Variants in EXTL3 observed in about 807,000 individuals in gnomAD.
The protein encoded by EXTL3 is exostosin like glycosyltransferase 3, also known as exostosin-like 3.
A neutral mutation model predicts 69.3 loss-of-function variants in EXTL3; 27 were observed. The ratio of observed to expected loss-of-function variants is 0.39; its 90% CI spans 0.29 to 0.54. The LOEUF is 0.54. Among genes scored for constraint, EXTL3 ranks in the 20% least tolerant of loss-of-function variants. The probability of loss-of-function intolerance (pLI) is 0.69; values close to 1 mark genes in which losing one functional copy is unlikely to be tolerated. For missense variants in EXTL3, 1,003 were observed against 1,231.8 expected, an observed-to-expected ratio of 0.81 and a Z score of 2.78; for synonymous variants, 511 against 499.4, an observed-to-expected ratio of 1.02 and a Z score of -0.31.
At position 28,752,839 on chromosome 8, in the gene EXTL3, A is replaced by G. The variant is rs1802037939; in HGVS notation, c.*1973A>G. 1 of 152,322 alleles carries G rather than the reference A, an allele frequency of 6.6e-6. No homozygotes were observed. The highest frequency in any genetic ancestry group is 2.4e-5 in the African/African-American group (1 of 41,248). 9.4% of individuals were successfully genotyped at this position (152,322 alleles called of 1,614,324 possible). On this transcript the variant is annotated 3_prime_UTR_variant, in exon 7 of 7. Transcript: ENST00000220562. ...TGTGTGGCGCTATATTGTGGCTGCT[A>G]TTTCATCTGGTTTCTTTTAATGTGA...
Position 28,668,865 on chromosome 8 carries a change from C to CTTTT in EXTL3, c.-52-44579_-52-44576dup, listed in dbSNP as rs999113088. On this transcript the variant is annotated intron_variant, in intron 1 of 6. Transcript: ENST00000523149. ...ACCCCTGCCTCCTTTGATAGAATCTCTTTTTTTTTTTTTTTTGAGACAGAG... is the reference window on the plus strand; with the variant it reads ...ACCCCTGCCTCCTTTGATAGAATCTCTTTTTTTTTTTTTTTTTTTTGAGACAGAG... Among the ~76,000 whole-genome samples the CTTTT allele has an allele frequency of 9.5e-5, 9 of 94,476 alleles. 1 individual carries two copies. The highest frequency in any genetic ancestry group is 1.5e-4 in the Non-Finnish European group (8 of 51,950). 62.0% of individuals were successfully genotyped at this position (94,476 alleles called of 152,430 possible).
chr8:28,714,815 A>G (rs1300545631), intron 2 of EXTL3, among the ~76,000 whole-genome samples: 2 of 152,230 alleles, frequency 1.3e-5, no homozygotes. Context: ...TTTGTATCAC[A>G]GCAACGTGGT....
At position 28,634,323 on chromosome 8, in the gene EXTL3, C is replaced by T. The variant is rs1323079675; in HGVS notation, c.-53+11513C>T. 3.9e-5 allele frequency among the ~76,000 whole-genome samples: 6 copies of T among 152,228 alleles called. No homozygotes were observed. In the East Asian group the frequency reaches 9.6e-4, roughly 24 times the overall value. Reference sequence around the variant, plus strand: ...TAAGCCATGCTGTGTCTGCCTGGCCCCTGTCACTTCCTTGTCAGGACTCCC... The same window carrying T: ...TAAGCCATGCTGTGTCTGCCTGGCCTCTGTCACTTCCTTGTCAGGACTCCC... On this transcript the variant is annotated intron_variant, in intron 1 of 6. Transcript: ENST00000523149.
intron 1 of EXTL3, among the ~76,000 whole-genome samples, chr8:28,653,274 C>T (rs972675): frequency 4.6e-4 from 70 of 152,208 alleles, no homozygotes; most frequent in African/African-American, 1.6e-3. Flanking sequence ...ACATCAAACC[C>T]TTATAGGATA....
chr8:28,706,766 T>C (rs1800931731), intron 1 of EXTL3, among the ~76,000 whole-genome samples: 1 of 152,224 alleles, frequency 6.6e-6, no homozygotes. Context: ...TTATGTCCGT[T>C]GACCACTGTT....
At position 28,737,411 on chromosome 8, in the gene EXTL3, TA is replaced by T. The variant is rs912511281; in HGVS notation, c.2277-104del. 17 of 1,216,066 alleles carry T rather than the reference TA, an allele frequency of 1.4e-5. No individual in the cohort carries two copies. In the Admixed American group the frequency reaches 3.0e-4, roughly 21 times the overall value. The allele number at this position is 1,216,066 out of a possible 1,614,324, so 75.3% of individuals were successfully genotyped here. A position where few individuals can be genotyped will look rare whatever the true frequency, so the allele number is the denominator to read the frequency against. On this transcript the variant is annotated intron_variant, in intron 4 of 6. Transcript: ENST00000220562. ...TTTTATTTTGAAAGGATACGAGAAG[TA>T]AAAGCCTAAGGGCCAGAGCTTGTAA...
At chr8:28,655,723 G>T (rs1246196525) in intron 1 of EXTL3, among the ~76,000 whole-genome samples, 1 of 151,978 alleles carries the variant, frequency 6.6e-6, no homozygotes, top group East Asian at 1.9e-4. Context: ...TGAACTCTTG[G>T]GCTCAAGCGA....
At chr8:28,722,377 G>A (rs538658659) in intron 3 of EXTL3, among the ~76,000 whole-genome samples, 5 of 152,314 alleles carry the variant, frequency 3.3e-5, no homozygotes, top group African/African-American at 9.6e-5. Flanking sequence ...GGCGAGGAGC[G>A]GTGGTAGAGA....
At chr8:28,655,257 G>A (rs958730632) in intron 1 of EXTL3, among the ~76,000 whole-genome samples, 6 of 152,064 alleles carry the variant, frequency 3.9e-5, no homozygotes, top group African/African-American at 7.2e-5. Flanking sequence ...ACCAGCCTAG[G>A]TGACAGAGTG....
At chr8:28,719,826 G>A (rs1280939840) in intron 3 of EXTL3, among the ~76,000 whole-genome samples, 1 of 152,166 alleles carries the variant, frequency 6.6e-6, no homozygotes, top group African/African-American at 2.4e-5. Flanking sequence ...TTTTGATAGG[G>A]ATGTAGAGAA....
intron 1 of EXTL3, among the ~76,000 whole-genome samples, chr8:28,655,489 C>CTT (rs60021378): frequency 0.2 from 25,607 of 130,864 alleles, 3,189 homozygotes; most frequent in Non-Finnish European, 0.27. Flanking sequence ...AAAAATCTTC[C>CTT]TTTTTTTTTT....
intron 1 of EXTL3, among the ~76,000 whole-genome samples, chr8:28,681,276 C>T (rs1052379562): frequency 2.0e-5 from 3 of 150,816 alleles, no homozygotes; most frequent in East Asian, 2.0e-4. Flanking sequence ...GCACTTTGGG[C>T]GGCTGAGGCA....
intron 1 of EXTL3, among the ~76,000 whole-genome samples, chr8:28,671,665 T>C (rs1403389072): frequency 1.3e-5 from 2 of 152,166 alleles, no homozygotes; most frequent in Non-Finnish European, 2.9e-5. Context: ...ATTGTACCTG[T>C]AAATGTTGGC....
rs74799044 is a variant in EXTL3 at position 28,655,760 on chromosome 8, C to T, written c.-53+32950C>T. On this transcript the variant is annotated intron_variant, in intron 1 of 6. Coordinates refer to the EXTL3 transcript ENST00000523149. ...CCACCAGCCTCGGCCTCCCAAAGTA[C>T]TAGGATTGTAGCATGAGCTGCTGCA... Among the ~76,000 whole-genome samples, 21 of 152,270 alleles carry T rather than the reference C, an allele frequency of 1.4e-4. No individual in the cohort carries two copies. In the East Asian group the frequency reaches 4.1e-3, roughly 29 times the overall value.
At chr8:28,749,588 C>G (rs1298291905) in intron 6 of EXTL3, among the ~76,000 whole-genome samples, 2 of 152,214 alleles carry the variant, frequency 1.3e-5, no homozygotes, top group Non-Finnish European at 2.9e-5. Flanking sequence ...GGCTATCTTG[C>G]AGGATTTGCT....
chr8:28,740,746 T>G (rs1801759364), intron 5 of EXTL3: 1 of 152,208 alleles, frequency 6.6e-6, no homozygotes, highest in Non-Finnish European at 1.5e-5. Context: ...TATGTATATT[T>G]ACTTATAAAT....
At chr8:28,679,209 A>G (rs1038575203) in intron 1 of EXTL3, among the ~76,000 whole-genome samples, 1 of 152,192 alleles carries the variant, frequency 6.6e-6, no homozygotes, top group Non-Finnish European at 1.5e-5. Flanking sequence ...GCACTTTGGG[A>G]GGCTGAGGCG....
intron 1 of EXTL3, among the ~76,000 whole-genome samples, chr8:28,680,320 G>T (rs1807464358): frequency 6.7e-6 from 1 of 148,292 alleles, no homozygotes. Context: ...AACCTGGGAG[G>T]TGGAGGTTGC....
chr8:28,717,970 G>A lies in EXTL3; in HGVS notation c.1911G>A (p.Arg637=), dbSNP rs1801201972. 1 of 1,614,162 alleles carries A rather than the reference G, an allele frequency of 6.2e-7. No individual in the cohort carries two copies. The change falls in exon 3 of 7, where the codon CGG becomes CGA. Residue 637 remains arginine (R), a synonymous_variant. Transcript: ENST00000220562. The surrounding 1 kb of genome is among the most constrained non-coding windows in gnomAD (Gnocchi z 8.3). ...TCTTGGGCTCAGGGACTGGCTTTCG[G>A]CCTATTGGTGGTGGAGCTGGGGGTT... is the stretch of plus-strand genomic sequence containing the variant. ...AKFLGSGTGF[R]PIGGGAGGSG...
Sources: allele counts gnomAD v4.1 joint callset (sites outside exome capture counted in the v4.1 genomes callset), GRCh38; gene constraint gnomAD v4.1.1; non-coding constraint Gnocchi (gnomAD v3.1); transcripts MANE v1.5; gene names NCBI Gene and HGNC (gene_info 2026-07-23, HGNC 2026-07-21).